The following ESR2 variants were observed in gnomAD, a reference collection of about 807,000 sequenced individuals.
ESR2 encodes the protein estrogen receptor beta.
ESR2 carries 36 observed loss-of-function variants against 49.6 expected under a neutral mutation model. The observed-to-expected ratio is 0.73, with a 90% CI of 0.56 to 0.96. The LOEUF (loss-of-function observed/expected upper bound fraction) is 0.96, where lower values mean the gene tolerates loss of function less well. ESR2 is among the 40% of genes least tolerant of loss of function. The pLI, the probability that ESR2 is intolerant of heterozygous loss-of-function variation, is 0.00. For missense variants in ESR2, 714 were observed against 693.0 expected (o/e 1.03, Z -0.34); for synonymous variants, 320 against 266.1 (o/e 1.20, Z -1.97).
upstream of ESR2, among the ~76,000 whole-genome samples, chr14:64,294,941 AC>A (rs2076935328): frequency 6.6e-6 from 1 of 152,344 alleles, no homozygotes; most frequent in African/African-American, 2.4e-5. Flanking sequence ...TTGAAGTGGC[AC>A]CGGGGAGACC....
intron 7 of ESR2, among the ~76,000 whole-genome samples, chr14:64,244,486 G>A (rs1209531277): frequency 2.0e-5 from 3 of 152,014 alleles, no homozygotes. Flanking sequence ...AATTGGCTGA[G>A]TGCCCAGATA....
intron 1 of ESR2, among the ~76,000 whole-genome samples, chr14:64,293,329 A>G (rs1018882843): frequency 6.6e-6 from 1 of 152,268 alleles, no homozygotes; most frequent in East Asian, 1.9e-4. Context: ...GAAATATAAC[A>G]AAATAAGGCA....
chr14:64,251,412 T>TACACACACAC (rs111881046), intron 6 of ESR2, among the ~76,000 whole-genome samples: 3 of 149,408 alleles, frequency 2.0e-5, no homozygotes, highest in African/African-American at 7.3e-5. Context: ...GCACAATACA[T>TACACACACAC]ACACACACAC....
At chr14:64,335,287 T>C (rs2077514772) in intron 1 of ESR2, among the ~76,000 whole-genome samples, 1 of 152,232 alleles carries the variant, frequency 6.6e-6, no homozygotes, top group Admixed American at 6.5e-5. Flanking sequence ...TTCTATTAGA[T>C]AACCTGACTT....
intron 1 of ESR2, among the ~76,000 whole-genome samples, chr14:64,314,070 C>T (rs2077221629): frequency 6.6e-6 from 1 of 152,124 alleles, no homozygotes. Flanking sequence ...GAGCAGGCTA[C>T]ACAACCTTTT....
At chr14:64,332,561 G>A (rs908907878) in intron 1 of ESR2, among the ~76,000 whole-genome samples, 3 of 152,082 alleles carry the variant, frequency 2.0e-5, no homozygotes, top group African/African-American at 7.2e-5. Flanking sequence ...AGCACTTTGG[G>A]AGGCCGAGGT....
In ESR2 at chr14:64,331,687, G is replaced by A. The variant is rs1299047285; in HGVS notation, c.-91+6211C>T. On this transcript the variant is annotated intron_variant, in intron 1 of 8. Coordinates refer to the ESR2 transcript ENST00000358599. Reference sequence around the variant, plus strand: ...TAAAAATACAAGAAATTAGCCGAGCGTGGTGGCGCGCCTGTAATCCCAGCT... The same window carrying A: ...TAAAAATACAAGAAATTAGCCGAGCATGGTGGCGCGCCTGTAATCCCAGCT... Among the ~76,000 whole-genome samples the A allele has an allele frequency of 3.3e-5, 5 of 151,886 alleles. No homozygotes were observed. In the East Asian group the frequency reaches 7.7e-4, roughly 23 times the overall value.
chr14:64,260,401 C>T, intron 5 of ESR2, 48 bp downstream of exon 5: 1 of 1,496,492 alleles, frequency 6.7e-7, no homozygotes, highest in Middle Eastern at 1.8e-4. Flanking sequence ...ATATTAGCGG[C>T]CGGCCTTTCT....
chr14:64,259,314 T>TAC (rs1167622657), intron 5 of ESR2, among the ~76,000 whole-genome samples: 1 of 152,248 alleles, frequency 6.6e-6, no homozygotes, highest in Admixed American at 6.5e-5. Flanking sequence ...CCAGGCTCTT[T>TAC]ACCCAAAACT....
In ESR2 at chr14:64,334,000, T is replaced by C. The variant is rs72722346; in HGVS notation, c.-91+3898A>G. Among the ~76,000 whole-genome samples the C allele has an allele frequency of 8.6e-3, 1,316 of 152,318 alleles. 6 individuals are homozygous for C. Among genetic ancestry groups the C allele is most frequent in the Admixed American group, 0.014 (217 of 15,304 alleles). ...CAAATCTGTGTGTTCCAGTGTTCAA[T>C]ACATTTTTAAAATAAAATCAAGTTA... is the stretch of plus-strand genomic sequence containing the variant. On this transcript the variant is annotated intron_variant, in intron 1 of 8. Coordinates refer to the ESR2 transcript ENST00000358599.
intron 3 of ESR2, among the ~76,000 whole-genome samples, chr14:64,276,516 C>T (rs1041964809): frequency 6.6e-6 from 1 of 152,156 alleles, no homozygotes; most frequent in Non-Finnish European, 1.5e-5. Context: ...GGTAAAAGAG[C>T]AAGTCTGTAC....
downstream of ESR2, chr14:64,228,093 G>A (rs2098723684): frequency 1.5e-6 from 2 of 1,333,958 alleles, no homozygotes; most frequent in Non-Finnish European, 1.9e-6. Context: ...GACTAAAGAT[G>A]AAATTGTTCT....
intron 1 of ESR2, among the ~76,000 whole-genome samples, chr14:64,316,985 C>T (rs770507400): frequency 4.6e-5 from 7 of 152,022 alleles, no homozygotes; most frequent in African/African-American, 1.2e-4. Flanking sequence ...ATACTTGAGG[C>T]CAACTGTGGT....
intron 1 of ESR2, among the ~76,000 whole-genome samples, chr14:64,313,629 C>G (rs1187873141): frequency 2.6e-5 from 4 of 151,396 alleles, no homozygotes; most frequent in Non-Finnish European, 4.4e-5. Flanking sequence ...GTGGCTCACG[C>G]CTGTAATCCC....
chr14:64,327,961 C>A (rs770250734), intron 1 of ESR2, among the ~76,000 whole-genome samples: 4 of 150,324 alleles, frequency 2.7e-5, no homozygotes, highest in Non-Finnish European at 5.9e-5. Flanking sequence ...AATCCCAGCA[C>A]TTTGGAAGGG....
At chr14:64,233,407 G>C in intron 8 of ESR2, 84 bp from the exon 9 acceptor site, 2 of 1,388,090 alleles carry the variant, frequency 1.4e-6, no homozygotes, top group Middle Eastern at 2.0e-4. Flanking sequence ...TCTTTGCTCA[G>C]AGCCAGTCTA....
chr14:64,271,911 T>C (rs540286763), intron 3 of ESR2, among the ~76,000 whole-genome samples: 17 of 152,350 alleles, frequency 1.1e-4, no homozygotes, highest in African/African-American at 3.6e-4. Context: ...TTCTTTTGGG[T>C]GCATACCCAG....
intron 5 of ESR2, among the ~76,000 whole-genome samples, chr14:64,259,285 C>G (rs549672075): frequency 6.6e-5 from 10 of 152,244 alleles, no homozygotes; most frequent in Admixed American, 2.0e-4. Context: ...ATGATACTGT[C>G]ACCATAGGCC....
At chr14:64,310,638 A>G (rs1184373543) in intron 1 of ESR2, among the ~76,000 whole-genome samples, 48 of 151,686 alleles carry the variant, frequency 3.2e-4, no homozygotes, top group Admixed American at 3.2e-3. Context: ...CGCCCAACTA[A>G]TTTTTGTATT....
Sources: gnomAD v4.1 joint callset for allele counts (sites outside exome capture counted in the v4.1 genomes callset) on GRCh38, gnomAD v4.1.1 for gene constraint, MANE v1.5 for transcripts, NCBI Gene and HGNC (gene_info 2026-07-23, HGNC 2026-07-21) for gene names.